Variants in CDH8 observed in about 807,000 individuals in gnomAD.
CDH8 encodes the protein cadherin 8, also known as cadherin-8.
Under a neutral mutation model 68.1 loss-of-function variants are expected in CDH8, and 17 were observed. That is an observed-to-expected ratio of 0.25 (90% CI 0.17 to 0.37). CDH8 has a LOEUF of 0.37. Among genes scored for constraint, CDH8 ranks in the 10% least tolerant of loss-of-function variants. The probability of loss-of-function intolerance (pLI) is 1.00; values close to 1 mark genes in which losing one functional copy is unlikely to be tolerated. For missense variants in CDH8, 763 were observed against 999.3 expected (o/e 0.76, Z 3.19); for synonymous variants, 372 against 365.1 (o/e 1.02, Z -0.21).
chr16:61,872,448 G>C (rs551271993), intron 3 of CDH8, among the ~76,000 whole-genome samples: 5 of 152,266 alleles, frequency 3.3e-5, no homozygotes, highest in Middle Eastern at 3.4e-3. Context: ...CTAGGTCATA[G>C]GTAGATTTAA....
At chr16:61,754,452 T>G (rs1295806952) in intron 8 of CDH8, among the ~76,000 whole-genome samples, 1 of 152,138 alleles carries the variant, frequency 6.6e-6, no homozygotes, top group East Asian at 1.9e-4. Context: ...CATGAACTGA[T>G]GAGTCAAAGG....
chr16:61,723,392 C>A (rs1053571426), intron 9 of CDH8, among the ~76,000 whole-genome samples: 54 of 150,796 alleles, frequency 3.6e-4, no homozygotes, highest in African/African-American at 1.3e-3. Context: ...CAGAAAGAAT[C>A]TGGTTTATCC....
intron 2 of CDH8, among the ~76,000 whole-genome samples, chr16:61,975,606 ATTTG>A (rs1965421795): frequency 6.6e-6 from 1 of 152,306 alleles, no homozygotes; most frequent in African/African-American, 2.4e-5. Context: ...AAAATCTATC[ATTTG>A]TTTGATATTT....
At chr16:61,940,155 G>T (rs1267662081) in intron 2 of CDH8, 1 of 151,922 alleles carries the variant, frequency 6.6e-6, no homozygotes, top group Non-Finnish European at 1.5e-5. Context: ...TACATAAAAA[G>T]AATTTATTAA....
intron 8 of CDH8, among the ~76,000 whole-genome samples, chr16:61,779,722 G>A (rs1019310874): frequency 6.6e-6 from 1 of 152,214 alleles, no homozygotes; most frequent in Admixed American, 6.5e-5. Flanking sequence ...GGTTTTAAAA[G>A]TTCCAAAGTT....
chr16:61,881,587 T>C (rs1963578948), intron 3 of CDH8, among the ~76,000 whole-genome samples: 1 of 152,218 alleles, frequency 6.6e-6, no homozygotes, highest in African/African-American at 2.4e-5. Flanking sequence ...AGAAGCAGCA[T>C]ACTGACTAAG....
chr16:61,740,016 T>C (rs1959821764), intron 8 of CDH8, among the ~76,000 whole-genome samples: 1 of 150,988 alleles, frequency 6.6e-6, no homozygotes, highest in African/African-American at 2.4e-5. Context: ...CAAGTGATTC[T>C]CCCGCCTCAG....
At chr16:61,819,073 T>C (rs1962150672) in intron 6 of CDH8, among the ~76,000 whole-genome samples, 1 of 152,096 alleles carries the variant, frequency 6.6e-6, no homozygotes, top group South Asian at 2.1e-4. Flanking sequence ...CAATCACCTT[T>C]ACTGTAACAA....
chr16:61,937,935 T>C (rs1964652766), intron 2 of CDH8: 1 of 152,160 alleles, frequency 6.6e-6, no homozygotes, highest in African/African-American at 2.4e-5. Context: ...GCCAGGAGGA[T>C]TAATTACAGC....
intron 2 of CDH8, among the ~76,000 whole-genome samples, chr16:61,973,818 G>C (rs555912397): frequency 6.6e-6 from 1 of 152,322 alleles, no homozygotes; most frequent in African/African-American, 2.4e-5. Context: ...TCGATATCCA[G>C]TCATTCTACA....
chr16:61,652,788 C>A lies in CDH8; in HGVS notation c.*820G>T. The A allele has an allele frequency of 3.7e-6, 5 of 1,339,972 alleles. No homozygotes were observed. The highest frequency in any genetic ancestry group is 4.8e-6 in the Non-Finnish European group (5 of 1,043,648). The allele number at this position is 1,339,972 out of a possible 1,614,324, so 83.0% of individuals were successfully genotyped here. A position where few individuals can be genotyped will look rare whatever the true frequency, so the allele number is the denominator to read the frequency against. ...ATTTCGAGGATTAAACAAATAAATT[C>A]ACGCGCTAGCAATAAAACCATCTGT... On this transcript the variant is annotated 3_prime_UTR_variant, in exon 12 of 12. Transcript: ENST00000577390.
intron 4 of CDH8, among the ~76,000 whole-genome samples, chr16:61,827,205 G>A (rs970024875): frequency 2.0e-5 from 3 of 151,796 alleles, no homozygotes; most frequent in Non-Finnish European, 4.4e-5. Context: ...CAAATTTTCA[G>A]TAAAAAAGAT....
chr16:62,009,366 G>A (rs1022252222), intron 2 of CDH8, among the ~76,000 whole-genome samples: 8 of 152,116 alleles, frequency 5.3e-5, no homozygotes, highest in Admixed American at 1.3e-4. Context: ...TACAAGGGGC[G>A]TCAGGGAAGT....
At chr16:61,834,559 T>G (rs1351470829) in intron 4 of CDH8, among the ~76,000 whole-genome samples, 1 of 151,952 alleles carries the variant, frequency 6.6e-6, no homozygotes, top group African/African-American at 2.4e-5. Context: ...GTTCTAATAT[T>G]TCATATATTC....
At chr16:61,906,401 C>T (rs371523396) in intron 2 of CDH8, among the ~76,000 whole-genome samples, 10 of 152,276 alleles carry the variant, frequency 6.6e-5, no homozygotes, top group African/African-American at 2.4e-4. Flanking sequence ...CCCACTGCAG[C>T]CTGGTTGGAG....
chr16:61,866,125 G>C (rs1403034213), intron 3 of CDH8, among the ~76,000 whole-genome samples: 1 of 152,082 alleles, frequency 6.6e-6, no homozygotes, highest in Non-Finnish European at 1.5e-5. Flanking sequence ...TTGGGAGGCT[G>C]AGGTTGGAGG....
intron 9 of CDH8, among the ~76,000 whole-genome samples, chr16:61,722,677 G>T (rs1482117463): frequency 2.0e-5 from 3 of 150,686 alleles, no homozygotes; most frequent in Non-Finnish European, 4.5e-5. Flanking sequence ...ATTGCTGAAT[G>T]AAATTATTTA....
At chr16:61,892,114 G>A (rs1456725042) in intron 3 of CDH8, among the ~76,000 whole-genome samples, 1 of 152,122 alleles carries the variant, frequency 6.6e-6, no homozygotes, top group African/African-American at 2.4e-5. Context: ...TATTTTGGAG[G>A]ATAAAATATG....
chr16:61,791,337 A>G (rs1393393321), intron 7 of CDH8, among the ~76,000 whole-genome samples: 1 of 151,990 alleles, frequency 6.6e-6, no homozygotes, highest in African/African-American at 2.4e-5. Flanking sequence ...TGTATTATGG[A>G]AAGAAGACCA....
Sources: allele counts gnomAD v4.1 joint callset (sites outside exome capture counted in the v4.1 genomes callset), GRCh38; gene constraint gnomAD v4.1.1; transcripts MANE v1.5; gene names NCBI Gene and HGNC (gene_info 2026-07-23, HGNC 2026-07-21).